Variants in FRMD4A observed in about 807,000 individuals in gnomAD.
The protein encoded by FRMD4A is FERM domain containing 4A, also known as FERM domain-containing protein 4A.
FRMD4A carries 29 observed loss-of-function variants against 129.1 expected under a neutral mutation model. The observed-to-expected ratio is 0.22, with a 90% CI of 0.17 to 0.31. The LOEUF (loss-of-function observed/expected upper bound fraction) is 0.31. Among genes scored for constraint, FRMD4A ranks in the 10% least tolerant of loss-of-function variants. The pLI is 1.00. For synonymous variants in FRMD4A, 634 were observed against 571.6 expected, an observed-to-expected ratio of 1.11 and a Z score of -1.56; for missense variants, 1,272 against 1,375.8, an observed-to-expected ratio of 0.92 and a Z score of 1.19.
chr10:13,938,431 T>A (rs1428467528), intron 2 of FRMD4A, among the ~76,000 whole-genome samples: 1 of 152,044 alleles, frequency 6.6e-6, no homozygotes, highest in East Asian at 1.9e-4. Flanking sequence ...TTAGTAGAGA[T>A]GGGGTTTCGC....
intron 2 of FRMD4A, among the ~76,000 whole-genome samples, chr10:14,295,005 C>T (rs903061291): frequency 6.6e-6 from 1 of 152,140 alleles, no homozygotes; most frequent in Non-Finnish European, 1.5e-5. Flanking sequence ...TAAAGTCAGA[C>T]AAGAAGACAA....
chr10:13,928,095 C>T (rs2095154526), intron 2 of FRMD4A, among the ~76,000 whole-genome samples: 1 of 149,312 alleles, frequency 6.7e-6, no homozygotes, highest in South Asian at 2.1e-4. Context: ...ATCTTGGCTC[C>T]TTGCAGTCTT....
In FRMD4A at chr10:13,814,061, A is replaced by T. The variant is rs554001089; in HGVS notation, c.112-3153T>A. On this transcript the variant is annotated intron_variant, in intron 3 of 24. Transcript: ENST00000357447. ...TGTCAACGCGTTTTCACTGGTGATAAATCTTCCTGTGCTCGAGAATGGATT... is the reference window on the plus strand; with the variant it reads ...TGTCAACGCGTTTTCACTGGTGATATATCTTCCTGTGCTCGAGAATGGATT... Among the ~76,000 whole-genome samples, 103 of 152,286 alleles carry T rather than the reference A, an allele frequency of 6.8e-4. 1 individual carries two copies. Among genetic ancestry groups the T allele is most frequent in the Admixed American group, 6.7e-3 (103 of 15,300 alleles).
intron 2 of FRMD4A, among the ~76,000 whole-genome samples, chr10:14,044,042 T>C (rs1741802109): frequency 6.6e-6 from 1 of 152,218 alleles, no homozygotes. Flanking sequence ...TTGCCCAGGC[T>C]GGTCTCCAGT....
chr10:14,185,412 TA>T (rs1164712346), intron 2 of FRMD4A, among the ~76,000 whole-genome samples: 4 of 152,182 alleles, frequency 2.6e-5, no homozygotes, highest in African/African-American at 4.8e-5. Context: ...TCTACCACCC[TA>T]AGCGTAAGGA....
At chr10:13,974,939 C>T (rs2095536132) in intron 2 of FRMD4A, among the ~76,000 whole-genome samples, 1 of 152,224 alleles carries the variant, frequency 6.6e-6, no homozygotes, top group East Asian at 1.9e-4. Context: ...AATGCCCTTG[C>T]TTTTCAAAGG....
In FRMD4A at chr10:13,733,511, C is replaced by T. The variant is rs370401459; in HGVS notation, c.759+4333G>A. On this transcript the variant is annotated intron_variant, in intron 12 of 24. Transcript: ENST00000357447. Reference sequence around the variant, plus strand: ...AATCTCAGCGCACTGCAACCTCCGCCTCCCGGGTTCAAATGATTCTCCTGC... The same window carrying T: ...AATCTCAGCGCACTGCAACCTCCGCTTCCCGGGTTCAAATGATTCTCCTGC... Among the ~76,000 whole-genome samples, 557 of 152,294 alleles carry T rather than the reference C, an allele frequency of 3.7e-3. 4 individuals are homozygous for T. Among genetic ancestry groups the T allele is most frequent in the African/African-American group, 0.01 (421 of 41,568 alleles).
At chr10:14,316,919 G>A (rs1056261898) in intron 2 of FRMD4A, among the ~76,000 whole-genome samples, 1 of 152,152 alleles carries the variant, frequency 6.6e-6, no homozygotes, top group Admixed American at 6.5e-5. Context: ...TTCTTAATGA[G>A]AGTCAATATG....
chr10:14,170,029 A>G (rs897295677), intron 2 of FRMD4A, among the ~76,000 whole-genome samples: 4 of 152,114 alleles, frequency 2.6e-5, no homozygotes, highest in African/African-American at 7.2e-5. Flanking sequence ...ACTATTCTCC[A>G]TGGAATCCTG....
chr10:14,237,142 C>T (rs1028512348), intron 2 of FRMD4A, among the ~76,000 whole-genome samples: 1 of 151,728 alleles, frequency 6.6e-6, no homozygotes, highest in Non-Finnish European at 1.5e-5. Flanking sequence ...TGTAGGGTGC[C>T]CACAGCTGCA....
intron 2 of FRMD4A, among the ~76,000 whole-genome samples, chr10:14,162,641 G>GTTTTTTTTTTT (rs71388160): frequency 2.8e-3 from 329 of 118,038 alleles, no homozygotes; most frequent in Non-Finnish European, 3.2e-3. Context: ...TTTTTTTTTT[G>GTTTTTTTTTTT]TTTTTTTTTT....
At chr10:13,663,274 A>T (rs1482198876) in intron 19 of FRMD4A, among the ~76,000 whole-genome samples, 179 bp downstream of exon 19, 1 of 145,682 alleles carries the variant, frequency 6.9e-6, no homozygotes, top group Non-Finnish European at 1.5e-5. Context: ...GGGTTTATGC[A>T]GCACCTACCC....
intron 2 of FRMD4A, among the ~76,000 whole-genome samples, chr10:14,316,937 C>T (rs1417244487): frequency 6.6e-6 from 1 of 152,164 alleles, no homozygotes; most frequent in Admixed American, 6.5e-5. Flanking sequence ...ATGCACCATC[C>T]ACTGGAAGTT....
At chr10:13,995,388 C>G (rs1012077657) in intron 2 of FRMD4A, among the ~76,000 whole-genome samples, 1 of 152,142 alleles carries the variant, frequency 6.6e-6, no homozygotes, top group African/African-American at 2.4e-5. Context: ...GTTTTGAGAC[C>G]AGCCTGGCCA....
chr10:13,880,597 C>T (rs2094536058), intron 2 of FRMD4A, among the ~76,000 whole-genome samples: 1 of 152,146 alleles, frequency 6.6e-6, no homozygotes, highest in Non-Finnish European at 1.5e-5. Context: ...TCCCACCAGT[C>T]CTCACCCTGC....
chr10:13,856,965 G>A (rs1312770039), intron 3 of FRMD4A, among the ~76,000 whole-genome samples: 1 of 152,076 alleles, frequency 6.6e-6, no homozygotes, highest in African/African-American at 2.4e-5. Flanking sequence ...CTGAGTCTTG[G>A]CAATTTGAAG....
intron 8 of FRMD4A, among the ~76,000 whole-genome samples, chr10:13,752,941 A>G (rs180690846): frequency 3.9e-5 from 6 of 152,286 alleles, no homozygotes; most frequent in African/African-American, 1.2e-4. Flanking sequence ...GTTTAATTCC[A>G]GGTGCTGCCC....
chr10:13,656,657 G>A lies in FRMD4A; in HGVS notation c.2932C>T (p.Gln978Ter). 2 of 1,496,326 alleles carry A rather than the reference G, an allele frequency of 1.3e-6. No individual in the cohort carries two copies. The highest frequency in any genetic ancestry group is 1.8e-6 in the Non-Finnish European group (2 of 1,117,426). 92.7% of individuals were successfully genotyped at this position (1,496,326 alleles called of 1,614,324 possible). Reference sequence around the variant, plus strand: ...TCACCTGACGTGGCCTTGCACATCTGGGGCATCCTGGTGACCCTGCTGTGC... The same window carrying A: ...TCACCTGACGTGGCCTTGCACATCTAGGGCATCCTGGTGACCCTGCTGTGC... ...VAHSRVTRMPQMCKATSAALP... is the reference protein window; with the variant it reads ...VAHSRVTRMP The change falls in exon 22 of 25, where the codon CAG (glutamine) becomes TAG (stop). Residue 978 changes from glutamine (Q) to a stop codon, truncating the protein, a stop_gained. Transcript: ENST00000357447. LOFTEE classifies it high-confidence loss of function.
intron 2 of FRMD4A, among the ~76,000 whole-genome samples, chr10:13,908,299 C>T (rs1264957701): frequency 1.3e-5 from 2 of 151,742 alleles, no homozygotes; most frequent in East Asian, 1.9e-4. Flanking sequence ...CCATGCTTCT[C>T]ATCCTTTTTC....
Sources: allele counts gnomAD v4.1 joint callset (sites outside exome capture counted in the v4.1 genomes callset), GRCh38; gene constraint gnomAD v4.1.1; transcripts MANE v1.5; gene names NCBI Gene and HGNC (gene_info 2026-07-23, HGNC 2026-07-21).